The following AGPAT4 variants were observed in gnomAD, a reference collection of about 807,000 sequenced individuals.
AGPAT4 encodes the protein 1-acyl-sn-glycerol-3-phosphate acyltransferase delta.
AGPAT4 carries 15 observed loss-of-function variants against 48.0 expected under a neutral mutation model. The ratio of observed to expected loss-of-function variants is 0.31; its 90% CI spans 0.21 to 0.48. The LOEUF is 0.48. Ranked by LOEUF, AGPAT4 falls within the 20% of genes least tolerant of loss-of-function variation. The pLI is 0.99. For synonymous variants in AGPAT4, 178 were observed against 198.7 expected (o/e 0.90, Z 0.88); for missense variants, 314 against 482.5 (o/e 0.65, Z 3.27).
rs533237138 is a variant in AGPAT4 at position 161,237,889 on chromosome 6, T to C, written c.-89-5587A>G. Among the ~76,000 whole-genome samples, 17 of 152,180 alleles carry C rather than the reference T, an allele frequency of 1.1e-4. No homozygotes were observed. In the South Asian group the frequency reaches 3.1e-3, roughly 28 times the overall value. On this transcript the variant is annotated intron_variant, in intron 1 of 8. Coordinates refer to ENST00000320285, the MANE Select transcript of AGPAT4 (RefSeq NM_020133.3). Reference sequence around the variant, plus strand: ...CAAAAGTGAGATGCCTGCAAGTCTCTGAGGGAGAAAGTTTACACTGCTTGC... The same window carrying C: ...CAAAAGTGAGATGCCTGCAAGTCTCCGAGGGAGAAAGTTTACACTGCTTGC...
chr6:161,135,666 G>A lies in AGPAT4; in HGVS notation c.*874C>T, dbSNP rs1035599273. The A allele has an allele frequency of 1.3e-5, 2 of 152,236 alleles. No individual in the cohort carries two copies. Among genetic ancestry groups the A allele is most frequent in the Admixed American group, 1.3e-4 (2 of 15,286 alleles). The allele number at this position is 152,236 out of a possible 1,614,324, so 9.4% of individuals were successfully genotyped here. A position where few individuals can be genotyped will look rare whatever the true frequency, so the allele number is the denominator to read the frequency against. Reference sequence around the variant, plus strand: ...GGGTGACTTTGGCTGTCACTGCTGAGAGGAACAGTCGATGCAAGCTCATCT... The same window carrying A: ...GGGTGACTTTGGCTGTCACTGCTGAAAGGAACAGTCGATGCAAGCTCATCT... On this transcript the variant is annotated 3_prime_UTR_variant, in exon 9 of 9. Transcript: ENST00000320285.
In AGPAT4 at chr6:161,266,614, C is replaced by A. The variant is rs534742133; in HGVS notation, c.-90+7324G>T. Among the ~76,000 whole-genome samples the A allele has an allele frequency of 6.6e-6, 1 of 152,272 alleles. No individual in the cohort carries two copies. Among genetic ancestry groups the A allele is most frequent in the South Asian group, 2.1e-4 (1 of 4,832 alleles). On this transcript the variant is annotated intron_variant, in intron 1 of 8. Transcript: ENST00000320285. This position sits in a 1 kb window ranked among gnomAD's most constrained non-coding sequence, Gnocchi z 6.2. ...ATGGTTCCTATGCAGGCTACCCACACAAAAGGCCGAAGAATCTGCTCACCA... is the reference window on the plus strand; with the variant it reads ...ATGGTTCCTATGCAGGCTACCCACAAAAAAGGCCGAAGAATCTGCTCACCA...
At chr6:161,265,386 CGCTGG>C in intron 1 of AGPAT4, among the ~76,000 whole-genome samples, 2 of 142,388 alleles carry the variant, frequency 1.4e-5, no homozygotes, top group African/African-American at 5.3e-5. Flanking sequence ...TAGTACCCAC[CGCTGG>C]ACTGGGTGCT....
chr6:161,257,128 G>A (rs987522013), intron 1 of AGPAT4, among the ~76,000 whole-genome samples: 1 of 152,200 alleles, frequency 6.6e-6, no homozygotes, highest in African/African-American at 2.4e-5. Context: ...ATGAACTTTG[G>A]ATCAGGATAA....
chr6:161,213,244 T>G (rs1781564237), intron 2 of AGPAT4, among the ~76,000 whole-genome samples: 1 of 152,192 alleles, frequency 6.6e-6, no homozygotes, highest in Non-Finnish European at 1.5e-5. Context: ...TCAAAGCCAA[T>G]TTAAAAGCCT....
chr6:161,141,390 G>A lies in AGPAT4; in HGVS notation c.844-1770C>T, dbSNP rs1779244957. On this transcript the variant is annotated intron_variant, in intron 7 of 8. Coordinates refer to ENST00000320285, the MANE Select transcript of AGPAT4 (RefSeq NM_020133.3). This position sits in a 1 kb window ranked among gnomAD's most constrained non-coding sequence, Gnocchi z 6.7. ...CCTCAAGCAGTGAGAGCGATCAGAT[G>A]GTGGAGGAGACAAGGAGGTGAGCAC... Among the ~76,000 whole-genome samples the A allele has an allele frequency of 6.6e-6, 1 of 152,074 alleles. No homozygotes were observed. Among genetic ancestry groups the A allele is most frequent in the South Asian group, 2.1e-4 (1 of 4,822 alleles).
At chr6:161,237,866 A>G (rs1190326008) in intron 1 of AGPAT4, among the ~76,000 whole-genome samples, 1 of 152,082 alleles carries the variant, frequency 6.6e-6, no homozygotes, top group Admixed American at 6.6e-5. Context: ...ATATGCCACA[A>G]AAGTGAGATG....
In AGPAT4 at chr6:161,201,079, T is replaced by C. The variant is rs1415276827; in HGVS notation, c.178+30957A>G. Among the ~76,000 whole-genome samples, 1 of 152,188 alleles carries C rather than the reference T, an allele frequency of 6.6e-6. No homozygotes were observed. Among genetic ancestry groups the C allele is most frequent in the African/African-American group, 2.4e-5 (1 of 41,440 alleles). Reference sequence around the variant, plus strand: ...TACAGCTCAGCCGAGGAAGTCATCATGAGCCGTGCGGTGTTGCAAAGGAAA... The same window carrying C: ...TACAGCTCAGCCGAGGAAGTCATCACGAGCCGTGCGGTGTTGCAAAGGAAA... On this transcript the variant is annotated intron_variant, in intron 2 of 8. Transcript: ENST00000320285. This position sits in a 1 kb window ranked among gnomAD's most constrained non-coding sequence, Gnocchi z 6.0.
In AGPAT4 at chr6:161,140,608, C is replaced by A. The variant is rs575558320; in HGVS notation, c.844-988G>T. 2.0e-5 allele frequency among the ~76,000 whole-genome samples: 3 copies of A among 152,222 alleles called. No individual in the cohort carries two copies. The South Asian group carries it at 6.2e-4, about 31-fold the overall frequency. Reference sequence around the variant, plus strand: ...GAGCTGCTGAACACAAGGGAGGGACCCAGGAACCCAGGTCAGCAGGCGTGC... The same window carrying A: ...GAGCTGCTGAACACAAGGGAGGGACACAGGAACCCAGGTCAGCAGGCGTGC... On this transcript the variant is annotated intron_variant, in intron 7 of 8. Transcript: ENST00000320285. The surrounding 1 kb of genome is among the most constrained non-coding windows in gnomAD (Gnocchi z 6.5).
intron 2 of AGPAT4, among the ~76,000 whole-genome samples, chr6:161,168,700 C>G (rs140746943): frequency 2.8e-4 from 42 of 152,338 alleles, no homozygotes; most frequent in African/African-American, 9.6e-4. Flanking sequence ...CAGATCCTGG[C>G]ACCCCTCCAG....
At chr6:161,152,296 G>A (rs112459350) in intron 5 of AGPAT4, among the ~76,000 whole-genome samples, 1 of 151,796 alleles carries the variant, frequency 6.6e-6, no homozygotes, top group Non-Finnish European at 1.5e-5. Context: ...ACACAGAGGG[G>A]CGAGGGGGCC....
At position 161,144,636 on chromosome 6, in the gene AGPAT4, G is replaced by C. The variant is rs1290542300; in HGVS notation, c.843+1888C>G. On this transcript the variant is annotated intron_variant, in intron 7 of 8. Transcript: ENST00000320285. This position sits in a 1 kb window ranked among gnomAD's most constrained non-coding sequence, Gnocchi z 6.6. The stretch of plus-strand genomic sequence containing the variant: ...TTTGTTTGTGTGGCTCTTTACAAAA[G>C]AGGCTCATTTTCTAAACCTTTTCTT... Among the ~76,000 whole-genome samples, 5 of 152,108 alleles carry C rather than the reference G, an allele frequency of 3.3e-5. No homozygotes were observed. Among genetic ancestry groups the C allele is most frequent in the South Asian group, 2.1e-4 (1 of 4,820 alleles).
chr6:161,157,610 G>A (rs1779799640), intron 3 of AGPAT4, among the ~76,000 whole-genome samples: 1 of 152,158 alleles, frequency 6.6e-6, no homozygotes. Flanking sequence ...ATGATCAAAG[G>A]GAAAAGAAGA....
chr6:161,198,720 C>T lies in AGPAT4; in HGVS notation c.179-32303G>A, dbSNP rs138698128. Among the ~76,000 whole-genome samples, 632 of 151,798 alleles carry T rather than the reference C, an allele frequency of 4.2e-3. 9 individuals carry two copies. The highest frequency in any genetic ancestry group is 0.014 in the African/African-American group (580 of 41,126). ...ATAAGCTCACATGTAGAAGGAACTC[C>T]GCAGAGTGCTGGGAACACTATATGC... is the stretch of plus-strand genomic sequence containing the variant. On this transcript the variant is annotated intron_variant, in intron 2 of 8. Coordinates refer to ENST00000320285, the MANE Select transcript of AGPAT4 (RefSeq NM_020133.3). The surrounding 1 kb of genome is among the most constrained non-coding windows in gnomAD (Gnocchi z 4.3).
In AGPAT4 at chr6:161,220,184, C is replaced by T. The variant is rs1167737355; in HGVS notation, c.178+11852G>A. On this transcript the variant is annotated intron_variant, in intron 2 of 8. Transcript: ENST00000320285. This position sits in a 1 kb window ranked among gnomAD's most constrained non-coding sequence, Gnocchi z 6.0. ...TCAGCCACACAGCCTGCGCTATCAC[C>T]AGATGACCTGAGCTAATAACACACT... Among the ~76,000 whole-genome samples, 1 of 152,190 alleles carries T rather than the reference C, an allele frequency of 6.6e-6. No homozygotes were observed. Among genetic ancestry groups the T allele is most frequent in the Non-Finnish European group, 1.5e-5 (1 of 68,036 alleles).
Position 161,180,360 on chromosome 6 carries a change from C to T in AGPAT4, c.179-13943G>A, listed in dbSNP as rs1780548739. ...CAAGGACCCTGTAGGAAAGACCTCA[C>T]AATCCAAACACTGCTGATGGGAGCC... On this transcript the variant is annotated intron_variant, in intron 2 of 8. Transcript: ENST00000320285. The surrounding 1 kb of genome is among the most constrained non-coding windows in gnomAD (Gnocchi z 6.4). Among the ~76,000 whole-genome samples the T allele has an allele frequency of 6.6e-6, 1 of 152,190 alleles. No individual in the cohort carries two copies. Among genetic ancestry groups the T allele is most frequent in the Non-Finnish European group, 1.5e-5 (1 of 68,036 alleles).
rs1292822045 is a variant in AGPAT4 at position 161,146,615 on chromosome 6, G to A, written c.768-16C>T. 6.2e-7 allele frequency: 1 copy of A among 1,613,462 alleles called. No homozygotes were observed. Among genetic ancestry groups the A allele is most frequent in the East Asian group, 2.2e-5 (1 of 44,884 alleles). Reference sequence around the variant, plus strand: ...TGGGATCCTCCTGCAAAGGCAGAGAGCAGCTAGCAGAGAGGAGGTGATGCC... The same window carrying A: ...TGGGATCCTCCTGCAAAGGCAGAGAACAGCTAGCAGAGAGGAGGTGATGCC... On this transcript the variant is annotated splice_polypyrimidine_tract_variant and intron_variant, in intron 6 of 8. Coordinates refer to ENST00000320285, the MANE Select transcript of AGPAT4 (RefSeq NM_020133.3). The surrounding 1 kb of genome is among the most constrained non-coding windows in gnomAD (Gnocchi z 7.1).
rs1349076313 is a variant in AGPAT4 at position 161,264,967 on chromosome 6, C to T, written c.-90+8971G>A. Among the ~76,000 whole-genome samples, 1 of 152,076 alleles carries T rather than the reference C, an allele frequency of 6.6e-6. No homozygotes were observed. The highest frequency in any genetic ancestry group is 1.5e-5 in the Non-Finnish European group (1 of 67,998). Reference sequence around the variant, plus strand: ...TGGGAAGGAAGTAAAGGTGGCCCCTCCTGTAAGTGAGAAGCACCAGGGACG... The same window carrying T: ...TGGGAAGGAAGTAAAGGTGGCCCCTTCTGTAAGTGAGAAGCACCAGGGACG... On this transcript the variant is annotated intron_variant, in intron 1 of 8. Coordinates refer to ENST00000320285, the MANE Select transcript of AGPAT4 (RefSeq NM_020133.3). The surrounding 1 kb of genome is among the most constrained non-coding windows in gnomAD (Gnocchi z 6.8).
rs1207806486 is a variant in AGPAT4 at position 161,169,290 on chromosome 6, G to C, written c.179-2873C>G. ...AAAAAAATCACTCTGATTGAAACAA[G>C]AACAGACTGGAATAGGGAGGCCAGT... On this transcript the variant is annotated intron_variant, in intron 2 of 8. Transcript: ENST00000320285. This position sits in a 1 kb window ranked among gnomAD's most constrained non-coding sequence, Gnocchi z 5.0. 6.6e-6 allele frequency among the ~76,000 whole-genome samples: 1 copy of C among 152,154 alleles called. No individual in the cohort carries two copies. The highest frequency in any genetic ancestry group is 2.4e-5 in the African/African-American group (1 of 41,428).
Sources: allele counts gnomAD v4.1 joint callset (sites outside exome capture counted in the v4.1 genomes callset), GRCh38; gene constraint gnomAD v4.1.1; non-coding constraint Gnocchi (gnomAD v3.1); transcripts MANE v1.5; gene names NCBI Gene and HGNC (gene_info 2026-07-23, HGNC 2026-07-21).